The following PIKFYVE variants were observed in gnomAD, a reference collection of about 807,000 sequenced individuals.
The protein encoded by PIKFYVE is phosphoinositide kinase, FYVE-type zinc finger containing, also known as 1-phosphatidylinositol 3-phosphate 5-kinase.
In PIKFYVE, 122 loss-of-function variants were observed where a neutral mutation model predicts 257.9. That is an observed-to-expected ratio of 0.47 (90% CI 0.41 to 0.55). PIKFYVE has a LOEUF of 0.55. Among genes scored for constraint, PIKFYVE ranks in the 20% least tolerant of loss-of-function variants. The probability of loss-of-function intolerance (pLI) is 0.00; values close to 1 mark genes in which losing one functional copy is unlikely to be tolerated. For missense variants in PIKFYVE, 2,160 were observed against 2,536.6 expected (o/e 0.85, Z 3.19); for synonymous variants, 892 against 868.9 (o/e 1.03, Z -0.47).
intron 6 of PIKFYVE, 97 bp from the exon 7 acceptor site, chr2:208,288,632 G>A (rs943479920): frequency 8.5e-6 from 13 of 1,533,502 alleles, no homozygotes; most frequent in Non-Finnish European, 1.1e-5. Context: ...ATTATTGCAA[G>A]GAAAAAGATT....
rs777342482 is a variant in PIKFYVE at position 208,333,442 on chromosome 2, A to G, written c.4091A>G (p.His1364Arg). Reference protein sequence around the residue: ...ANAEPCGHSIHHDYHQYFSYN... With the variant: ...ANAEPCGHSIRHDYHQYFSYN... ...GCTGAGCCCTGTGGTCACTCCATCC[A>G]TCATGATTATCACCAGTATTTCTCC... Residue 1364 changes from histidine to arginine, a missense_variant, in exon 24 of 42, where the codon CAT becomes CGT. Transcript: ENST00000264380. The G allele has an allele frequency of 1.9e-6, 3 of 1,614,110 alleles. No homozygotes were observed. Among genetic ancestry groups the G allele is most frequent in the Non-Finnish European group, 2.5e-6 (3 of 1,180,026 alleles).
chr2:208,305,353 C>T (rs1250662650), intron 12 of PIKFYVE: 14 of 1,149,404 alleles, frequency 1.2e-5, no homozygotes, highest in Non-Finnish European at 1.2e-5. Context: ...ATTCTTTTCT[C>T]TTTCTTCATT....
At chr2:208,316,476 A>C (rs1695531889) in intron 15 of PIKFYVE, among the ~76,000 whole-genome samples, 1 of 151,900 alleles carries the variant, frequency 6.6e-6, no homozygotes, top group East Asian at 1.9e-4. Flanking sequence ...TGGTTGAACT[A>C]GTTTACAGTC....
At position 208,276,585 on chromosome 2, in the gene PIKFYVE, A is replaced by G; in HGVS notation, c.323-127A>G. 3 of 775,056 alleles carry G rather than the reference A, an allele frequency of 3.9e-6. 1 individual carries two copies. The South Asian group carries it at 4.1e-5, about 11-fold the overall frequency. The allele number at this position is 775,056 out of a possible 1,614,324, so 48.0% of individuals were successfully genotyped here. On this transcript the variant is annotated intron_variant, in intron 3 of 41. Coordinates refer to ENST00000264380, the MANE Select transcript of PIKFYVE (RefSeq NM_015040.4). ...AAAGACTTGTTTTAACTCTCAATTCATATAACCGGGTGGGAGAACATAATT... is the reference window on the plus strand; with the variant it reads ...AAAGACTTGTTTTAACTCTCAATTCGTATAACCGGGTGGGAGAACATAATT...
chr2:208,309,359 C>G (rs952224151), intron 12 of PIKFYVE, among the ~76,000 whole-genome samples: 1 of 152,122 alleles, frequency 6.6e-6, no homozygotes, highest in Non-Finnish European at 1.5e-5. Context: ...GAGAAAGTCA[C>G]TCTTAATAAT....
Position 208,335,408 on chromosome 2 carries a change from C to T in PIKFYVE, c.4245C>T (p.Asp1415=). 1 of 1,591,960 alleles carries T rather than the reference C, an allele frequency of 6.3e-7. No homozygotes were observed. The highest frequency in any genetic ancestry group is 8.6e-7 in the Non-Finnish European group (1 of 1,160,096). ...TGTCCCTTCTTCAGGATCTGAAGGA[C>T]TTCTTTCAAAAGTAAGTTCAGTTTC... ...LKVSLLQDLK[D]FFQKVSQVYV... Residue 1415 remains aspartate, a synonymous_variant, in exon 25 of 42, where the codon GAC becomes GAT. Transcript: ENST00000264380.
intron 5 of PIKFYVE, among the ~76,000 whole-genome samples, chr2:208,282,830 T>G (rs1034367904): frequency 3.9e-5 from 6 of 151,904 alleles, no homozygotes; most frequent in Non-Finnish European, 7.4e-5. Context: ...CATGGACTGG[T>G]GTGGGGGACG....
intron 15 of PIKFYVE, 73 bp downstream of exon 15, chr2:208,315,446 G>A: frequency 6.4e-7 from 1 of 1,560,194 alleles, no homozygotes; most frequent in Non-Finnish European, 8.8e-7. Flanking sequence ...TGTCTTAATG[G>A]TAATCTGAAA....
At chr2:208,328,953 C>T (rs547727020) in intron 21 of PIKFYVE, among the ~76,000 whole-genome samples, 53 of 152,272 alleles carry the variant, frequency 3.5e-4, no homozygotes, top group African/African-American at 1.2e-3. Flanking sequence ...ATAGCATGTA[C>T]AATTTAGGCA....
intron 1 of PIKFYVE, among the ~76,000 whole-genome samples, chr2:208,267,745 G>T (rs1015916091): frequency 5.4e-4 from 82 of 152,246 alleles, no homozygotes; most frequent in South Asian, 2.1e-4. Context: ...GACCTCAGGC[G>T]ATTCACCCGC....
Position 208,298,688 on chromosome 2 carries a change from T to C in PIKFYVE, c.959T>C (p.Met320Thr). The C allele has an allele frequency of 6.2e-7, 1 of 1,614,130 alleles. No homozygotes were observed. The highest frequency in any genetic ancestry group is 8.5e-7 in the Non-Finnish European group (1 of 1,179,958). ...NLSLDRSGSP[M>T]VPSYETSVSP... Reference sequence around the variant, plus strand: ...TCACTGGATAGATCTGGTTCTCCTATGGTACCTTCATATGAGACATCTGTC... The same window carrying C: ...TCACTGGATAGATCTGGTTCTCCTACGGTACCTTCATATGAGACATCTGTC... The change falls in exon 8 of 42, where the codon ATG becomes ACG. Residue 320 changes from methionine (M) to threonine (T), a missense_variant. Coordinates refer to ENST00000264380, the MANE Select transcript of PIKFYVE (RefSeq NM_015040.4).
Position 208,298,634 on chromosome 2 carries a change from T to C in PIKFYVE, c.912-7T>C. 6.2e-7 allele frequency: 1 copy of C among 1,613,986 alleles called. No homozygotes were observed. The highest frequency in any genetic ancestry group is 8.5e-7 in the Non-Finnish European group (1 of 1,179,892). On this transcript the variant is annotated splice_polypyrimidine_tract_variant and splice_region_variant and intron_variant, in intron 7 of 41. Coordinates refer to ENST00000264380, the MANE Select transcript of PIKFYVE (RefSeq NM_015040.4). The stretch of plus-strand genomic sequence containing the variant: ...CCTGTGATTTCACTTCTTGTTTTTA[T>C]TTCCAGATCAGCCAGCATTACTAAC...
chr2:208,300,865 C>A (rs1693596116), intron 8 of PIKFYVE, 72 bp from the exon 9 acceptor site: 7 of 1,586,970 alleles, frequency 4.4e-6, no homozygotes, highest in Non-Finnish European at 6.0e-6. Flanking sequence ...GTCTAAAAAT[C>A]ACAGGAAAAC....
chr2:208,284,440 T>C (rs1328636470), intron 5 of PIKFYVE, among the ~76,000 whole-genome samples: 1 of 152,166 alleles, frequency 6.6e-6, no homozygotes, highest in African/African-American at 2.4e-5. Flanking sequence ...TTTGTATTTT[T>C]AGTAGAGACA....
intron 1 of PIKFYVE, among the ~76,000 whole-genome samples, chr2:208,267,924 G>A (rs914002697): frequency 8.5e-5 from 13 of 152,174 alleles, no homozygotes; most frequent in Non-Finnish European, 1.6e-4. Context: ...GATCACAGGT[G>A]TGAGCAGCCA....
At chr2:208,305,626 G>C (rs949715082) in intron 12 of PIKFYVE, 1 of 377,412 alleles carries the variant, frequency 2.6e-6, no homozygotes, top group African/African-American at 2.2e-5. Flanking sequence ...ATATTCAAAA[G>C]ATATTTGGTG....
chr2:208,317,285 A>G (rs1695641255), intron 15 of PIKFYVE, among the ~76,000 whole-genome samples: 2 of 152,128 alleles, frequency 1.3e-5, no homozygotes, highest in Non-Finnish European at 2.9e-5. Flanking sequence ...ACAAATTTAC[A>G]AGAAAAAAAC....
intron 31 of PIKFYVE, among the ~76,000 whole-genome samples, chr2:208,341,209 TA>T (rs1698668222): frequency 6.6e-6 from 1 of 152,070 alleles, no homozygotes; most frequent in Non-Finnish European, 1.5e-5. Flanking sequence ...GGTTTCACCA[TA>T]TTGGCCAGGC....
At chr2:208,318,157 G>A (rs1471408749) in intron 16 of PIKFYVE, among the ~76,000 whole-genome samples, 1 of 152,180 alleles carries the variant, frequency 6.6e-6, no homozygotes, top group African/African-American at 2.4e-5. Flanking sequence ...CCAGACAGAA[G>A]GAGGAAGGGG....
Sources: allele counts gnomAD v4.1 joint callset (sites outside exome capture counted in the v4.1 genomes callset), GRCh38; gene constraint gnomAD v4.1.1; transcripts MANE v1.5; gene names NCBI Gene and HGNC (gene_info 2026-07-23, HGNC 2026-07-21).